The following IL34 variants were observed in gnomAD, a reference collection of about 807,000 sequenced individuals.
The protein encoded by IL34 is interleukin-34.
Under a neutral mutation model 25.3 loss-of-function variants are expected in IL34, and 17 were observed. The ratio of observed to expected loss-of-function variants is 0.67; its 90% CI spans 0.46 to 1.01. IL34 has a LOEUF of 1.01. IL34 is among the 50% of genes least tolerant of loss of function. The probability of loss-of-function intolerance (pLI) is 0.00; values close to 1 mark genes in which losing one functional copy is unlikely to be tolerated. For synonymous variants in IL34, 174 were observed against 140.9 expected (o/e 1.23, Z -1.66); for missense variants, 368 against 312.9 (o/e 1.18, Z -1.33).
At position 70,582,962 on chromosome 16, in the gene IL34, G is replaced by A. The variant is rs575305541; in HGVS notation, c.-401+2913G>A. ...GAAGCCGAGTTGAGTTTGGAGAAGG[G>A]AGAGATGTTTGGGAGACCTGCAGGG... On this transcript the variant is annotated intron_variant, in intron 1 of 6. Coordinates refer to the IL34 transcript ENST00000429149. Among the ~76,000 whole-genome samples the A allele has an allele frequency of 3.9e-5, 6 of 152,332 alleles. No individual in the cohort carries two copies. The East Asian group carries it at 1.2e-3, about 29-fold the overall frequency.
intron 1 of IL34, among the ~76,000 whole-genome samples, chr16:70,630,018 C>T (rs1402716370): frequency 6.6e-6 from 1 of 152,198 alleles, no homozygotes; most frequent in Non-Finnish European, 1.5e-5. Context: ...AACAATTCTT[C>T]CAGCCTCTGG....
At chr16:70,608,677 GC>G (rs2051047130) in intron 1 of IL34, among the ~76,000 whole-genome samples, 1 of 152,242 alleles carries the variant, frequency 6.6e-6, no homozygotes, top group East Asian at 1.9e-4. Context: ...GCCCAGGTGA[GC>G]CTTAGGCCAA....
chr16:70,636,867 C>T (rs2051663110), intron 1 of IL34, among the ~76,000 whole-genome samples: 1 of 152,104 alleles, frequency 6.6e-6, no homozygotes, highest in Admixed American at 6.6e-5. Context: ...GCACCTATTG[C>T]CCCTTCCCTA....
At chr16:70,608,751 T>G (rs990109842) in intron 1 of IL34, among the ~76,000 whole-genome samples, 3 of 152,232 alleles carry the variant, frequency 2.0e-5, no homozygotes, top group African/African-American at 7.2e-5. Context: ...TGCCTCTCTC[T>G]CTTGCCTGGA....
At chr16:70,609,591 G>A (rs1371191541) in intron 1 of IL34, among the ~76,000 whole-genome samples, 2 of 152,192 alleles carry the variant, frequency 1.3e-5, no homozygotes, top group African/African-American at 4.8e-5. Context: ...TGGCACCTGG[G>A]AAATGCTGGG....
In IL34 at chr16:70,622,003, C is replaced by T. The variant is rs530649706; in HGVS notation, c.-400-24545C>T. 2.6e-4 allele frequency among the ~76,000 whole-genome samples: 40 copies of T among 152,084 alleles called. 1 individual carries two copies. Among genetic ancestry groups the T allele is most frequent in the Non-Finnish European group, 4.7e-4 (32 of 67,996 alleles). On this transcript the variant is annotated intron_variant, in intron 1 of 6. Transcript: ENST00000429149. ...CTTCAGTTACTTCAGGCCATCTGGG[C>T]GTATATACGTGCAAGTCACAGGGGA... is the stretch of plus-strand genomic sequence containing the variant.
At chr16:70,640,928 T>A (rs1269494624) in intron 1 of IL34, among the ~76,000 whole-genome samples, 1 of 152,150 alleles carries the variant, frequency 6.6e-6, no homozygotes, top group African/African-American at 2.4e-5. Context: ...AAAGGCTGAA[T>A]GTACATACAG....
At chr16:70,593,248 C>T (rs552048694) in intron 1 of IL34, among the ~76,000 whole-genome samples, 3 of 152,060 alleles carry the variant, frequency 2.0e-5, no homozygotes, top group South Asian at 4.2e-4. Flanking sequence ...ATCATTTTTC[C>T]TAGCAATAGT....
At chr16:70,656,461 G>A (rs2052221620) in intron 2 of IL34, 141 bp from the exon 3 acceptor site, 2 of 673,992 alleles carry the variant, frequency 3.0e-6, no homozygotes, top group Non-Finnish European at 5.4e-6. Flanking sequence ...CAAGGCTTCC[G>A]TGAGCCATGA....
intron 1 of IL34, among the ~76,000 whole-genome samples, chr16:70,640,347 A>G (rs1183752815): frequency 6.6e-6 from 1 of 151,990 alleles, no homozygotes; most frequent in Non-Finnish European, 1.5e-5. Flanking sequence ...GCCTCTTGCT[A>G]TATTACCTTG....
chr16:70,588,977 G>A (rs1212373467), intron 1 of IL34, among the ~76,000 whole-genome samples: 1 of 152,098 alleles, frequency 6.6e-6, no homozygotes, highest in African/African-American at 2.4e-5. Context: ...GGTGGTGATG[G>A]TAACACAATA....
At chr16:70,651,343 G>A (rs1379984133) in intron 1 of IL34, among the ~76,000 whole-genome samples, 1 of 152,192 alleles carries the variant, frequency 6.6e-6, no homozygotes, top group African/African-American at 2.4e-5. Flanking sequence ...AAAGTAAGCA[G>A]ATGTTAAAGG....
chr16:70,643,046 TTTA>T (rs911400791), upstream of IL34, among the ~76,000 whole-genome samples: 3 of 152,102 alleles, frequency 2.0e-5, no homozygotes, highest in Non-Finnish European at 4.4e-5. Context: ...AGTTGTACAC[TTTA>T]TTATTTATTT....
chr16:70,615,463 C>T (rs1458575827), intron 1 of IL34, among the ~76,000 whole-genome samples: 2 of 151,872 alleles, frequency 1.3e-5, no homozygotes, highest in South Asian at 2.1e-4. Context: ...GCCGAGATTG[C>T]GCCACTGCAC....
intron 3 of IL34, 80 bp downstream of exon 3, chr16:70,656,759 C>A: frequency 1.0e-6 from 1 of 957,400 alleles, no homozygotes; most frequent in Non-Finnish European, 1.7e-6. Flanking sequence ...CGCGCTGGGA[C>A]TGGCAGGTGG....
chr16:70,648,312 G>C (rs1327814724), intron 1 of IL34, among the ~76,000 whole-genome samples: 1 of 152,118 alleles, frequency 6.6e-6, no homozygotes, highest in Non-Finnish European at 1.5e-5. Context: ...TCCCAGCACT[G>C]TGGGAGGCCA....
chr16:70,639,959 G>A (rs541391338), intron 1 of IL34, among the ~76,000 whole-genome samples: 7 of 148,324 alleles, frequency 4.7e-5, no homozygotes, highest in South Asian at 4.3e-4. Flanking sequence ...CCCTGTCTCC[G>A]AAAAAAAAAG....
chr16:70,598,339 T>C (rs2050855631), intron 1 of IL34, among the ~76,000 whole-genome samples: 1 of 152,148 alleles, frequency 6.6e-6, no homozygotes, highest in Non-Finnish European at 1.5e-5. Flanking sequence ...TTGCCTCCAG[T>C]TCACCTTGCA....
At position 70,600,947 on chromosome 16, in the gene IL34, G is replaced by A. The variant is rs1014341234; in HGVS notation, c.-401+20898G>A. 3.2e-3 allele frequency among the ~76,000 whole-genome samples: 436 copies of A among 136,112 alleles called. 2 individuals carry two copies. The highest frequency in any genetic ancestry group is 0.014 in the African/African-American group (406 of 28,990). The allele number at this position is 136,112 out of a possible 152,430, so 89.3% of individuals were successfully genotyped here. ...CTGGCAGAAGCAGGGCTGCTGGGAG[G>A]AGTAGGGGATGCTGGGAGAAGTAGG... On this transcript the variant is annotated intron_variant, in intron 1 of 6. Transcript: ENST00000429149.
Sources: gnomAD v4.1 joint callset for allele counts (sites outside exome capture counted in the v4.1 genomes callset) on GRCh38, gnomAD v4.1.1 for gene constraint, MANE v1.5 for transcripts, NCBI Gene and HGNC (gene_info 2026-07-23, HGNC 2026-07-21) for gene names.